ITPKB: variants seen among roughly 807,000 people sequenced by gnomAD.
ITPKB encodes IP3 3-kinase B.
A neutral mutation model predicts 69.4 loss-of-function variants in ITPKB; 13 were observed. That is an observed-to-expected ratio of 0.19 (90% CI 0.12 to 0.30). The LOEUF (loss-of-function observed/expected upper bound fraction) is 0.30. Ranked by LOEUF, ITPKB falls within the 10% of genes least tolerant of loss-of-function variation. The pLI is 1.00. For synonymous variants in ITPKB, 584 were observed against 513.7 expected, an observed-to-expected ratio of 1.14 and a Z score of -1.85; for missense variants, 1,240 against 1,250.5, an observed-to-expected ratio of 0.99 and a Z score of 0.13.
chr1:226,697,142 T>C (rs555949840), intron 2 of ITPKB, among the ~76,000 whole-genome samples: 69 of 152,320 alleles, frequency 4.5e-4, no homozygotes, highest in African/African-American at 1.6e-3. Flanking sequence ...GTCAACTAAA[T>C]GTTGGTGGGT....
chr1:226,703,677 A>G lies in ITPKB; in HGVS notation c.1932+31850T>C, dbSNP rs902631760. Among the ~76,000 whole-genome samples, 3 of 152,348 alleles carry G rather than the reference A, an allele frequency of 2.0e-5. No individual in the cohort carries two copies. In the East Asian group the frequency reaches 5.8e-4, roughly 29 times the overall value. On this transcript the variant is annotated intron_variant, in intron 2 of 7. Transcript: ENST00000429204. ...CTAGCGGGCCCGCAGCAGAGGCAGTAGCGGGGCTTGAAATGCTGACCTGCA... is the reference window on the plus strand; with the variant it reads ...CTAGCGGGCCCGCAGCAGAGGCAGTGGCGGGGCTTGAAATGCTGACCTGCA...
At chr1:226,696,318 C>CGT (rs58448161) in intron 2 of ITPKB, among the ~76,000 whole-genome samples, 22,096 of 149,834 alleles carry the variant, frequency 0.15, 1,728 homozygotes, top group Non-Finnish European at 0.19. Context: ...TATAGATCTA[C>CGT]GTGTGTGTGT....
chr1:226,687,442 C>T (rs909985553), intron 2 of ITPKB, among the ~76,000 whole-genome samples: 4 of 152,170 alleles, frequency 2.6e-5, no homozygotes, highest in Non-Finnish European at 5.9e-5. Flanking sequence ...CCACATCACA[C>T]CCTGATCCCT....
intron 2 of ITPKB, among the ~76,000 whole-genome samples, chr1:226,734,336 G>T (rs1303469677): frequency 6.6e-6 from 1 of 152,218 alleles, no homozygotes; most frequent in Admixed American, 6.5e-5. Flanking sequence ...TGTGATTCGT[G>T]AATAGGGAAT....
At chr1:226,731,278 T>C (rs902314807) in intron 2 of ITPKB, among the ~76,000 whole-genome samples, 3 of 152,372 alleles carry the variant, frequency 2.0e-5, no homozygotes, top group Admixed American at 1.3e-4. Flanking sequence ...CAGCTGTCTC[T>C]ACCACCAGAC....
chr1:226,729,082 G>C (rs911680748), intron 2 of ITPKB, among the ~76,000 whole-genome samples: 1 of 152,166 alleles, frequency 6.6e-6, no homozygotes, highest in Non-Finnish European at 1.5e-5. Flanking sequence ...GGCGAGTAAG[G>C]AGCTTATCCA....
chr1:226,695,786 A>T (rs992367477), intron 2 of ITPKB, among the ~76,000 whole-genome samples: 1 of 152,188 alleles, frequency 6.6e-6, no homozygotes, highest in Non-Finnish European at 1.5e-5. Flanking sequence ...GAGGGAGAGG[A>T]CACGGGGGAG....
In ITPKB at chr1:226,632,984, T is replaced by C. The variant is rs1474628620; in HGVS notation, c.*1687A>G. 1 of 152,236 alleles carries C rather than the reference T, an allele frequency of 6.6e-6. No homozygotes were observed. The highest frequency in any genetic ancestry group is 1.9e-4 in the East Asian group (1 of 5,198). 9.4% of individuals were successfully genotyped at this position (152,236 alleles called of 1,614,324 possible). On this transcript the variant is annotated 3_prime_UTR_variant, in exon 8 of 8. Transcript: ENST00000429204. ...GCCCCCGTCCTGCCTGCCTTCCAGATCACATGCTGCCACGAGGTCTCTCGT... is the reference window on the plus strand; with the variant it reads ...GCCCCCGTCCTGCCTGCCTTCCAGACCACATGCTGCCACGAGGTCTCTCGT...
chr1:226,710,675 T>C (rs530133345), intron 2 of ITPKB, among the ~76,000 whole-genome samples: 4 of 152,220 alleles, frequency 2.6e-5, no homozygotes, highest in Non-Finnish European at 5.9e-5. Flanking sequence ...CGCTTGGTAT[T>C]TGGATCTGGA....
At chr1:226,699,846 TTTA>T (rs1656591547) in intron 2 of ITPKB, among the ~76,000 whole-genome samples, 3 of 150,776 alleles carry the variant, frequency 2.0e-5, no homozygotes, top group Admixed American at 2.0e-4. Flanking sequence ...TAAAGGGGAG[TTTA>T]TTAAGTATTA....
chr1:226,654,922 G>A (rs1405323124), intron 2 of ITPKB, among the ~76,000 whole-genome samples: 1 of 152,030 alleles, frequency 6.6e-6, no homozygotes, highest in East Asian at 1.9e-4. Flanking sequence ...AGAGGAAGAA[G>A]AGGAGAAGAG....
chr1:226,712,601 A>G (rs1656989168), intron 2 of ITPKB, among the ~76,000 whole-genome samples: 1 of 152,202 alleles, frequency 6.6e-6, no homozygotes, highest in East Asian at 1.9e-4. Context: ...CTCGGCTGGA[A>G]GGAAGTGGGC....
chr1:226,726,871 C>A (rs1238823795), intron 2 of ITPKB, among the ~76,000 whole-genome samples: 5 of 152,102 alleles, frequency 3.3e-5, no homozygotes, highest in Admixed American at 3.3e-4. Context: ...ATTTTCCTAC[C>A]CTTGGCTCAG....
At chr1:226,658,011 T>A (rs1669329272) in intron 2 of ITPKB, among the ~76,000 whole-genome samples, 2 of 152,216 alleles carry the variant, frequency 1.3e-5, no homozygotes, top group South Asian at 4.1e-4. Context: ...AAGGCACATC[T>A]AACAAAGCGT....
intron 2 of ITPKB, among the ~76,000 whole-genome samples, chr1:226,720,848 G>C (rs1221683389): frequency 6.7e-6 from 1 of 149,934 alleles, no homozygotes; most frequent in African/African-American, 2.5e-5. Flanking sequence ...TTCAAGATCA[G>C]CCTGGCCAAG....
At chr1:226,725,121 T>C (rs1657369674) in intron 2 of ITPKB, among the ~76,000 whole-genome samples, 1 of 152,272 alleles carries the variant, frequency 6.6e-6, no homozygotes, top group South Asian at 2.1e-4. Context: ...TTAACTCATA[T>C]TTAATGAACA....
intron 4 of ITPKB, 147 bp downstream of exon 4, chr1:226,647,020 G>A: frequency 1.5e-6 from 1 of 664,268 alleles, no homozygotes; most frequent in Non-Finnish European, 2.7e-6. Flanking sequence ...AGATGCCTGG[G>A]GATGGGGAGG....
rs372742295 is a variant in ITPKB, at chr1:226,737,149, C to G, written c.310G>C (p.Gly104Arg). Reference protein sequence around the residue: ...GSSVSSPSWAGRLRGDRQQVV... With the variant: ...GSSVSSPSWARRLRGDRQQVV... ...TGCTGCCGGTCCCCTCGCAGGCGAC[C>G]AGCCCAACTTGGGCTGCTCACGCTA... The change falls in exon 2 of 8, where the codon GGT (glycine) becomes CGT (arginine). Residue 104 changes from glycine to arginine, a missense_variant. Coordinates refer to ENST00000429204, the MANE Select transcript of ITPKB (RefSeq NM_002221.4). 3.8e-6 allele frequency: 6 copies of G among 1,599,526 alleles called. No homozygotes were observed. Among genetic ancestry groups the G allele is most frequent in the Non-Finnish European group, 3.4e-6 (4 of 1,179,278 alleles).
intron 2 of ITPKB, among the ~76,000 whole-genome samples, chr1:226,719,877 T>C (rs936132474): frequency 6.6e-6 from 1 of 152,208 alleles, no homozygotes; most frequent in African/African-American, 2.4e-5. Flanking sequence ...CTTCTCCCTG[T>C]GGGAGGCAGG....
Sources: gnomAD v4.1 joint callset for allele counts (sites outside exome capture counted in the v4.1 genomes callset) on GRCh38, gnomAD v4.1.1 for gene constraint, MANE v1.5 for transcripts, NCBI Gene and HGNC (gene_info 2026-07-23, HGNC 2026-07-21) for gene names.